SYNPR: variants seen among roughly 807,000 people sequenced by gnomAD.
SYNPR encodes the protein synaptoporin.
SYNPR carries 23 observed loss-of-function variants against 32.9 expected under a neutral mutation model. The observed-to-expected ratio is 0.70, with a 90% confidence interval of 0.50 to 0.99. The LOEUF (loss-of-function observed/expected upper bound fraction) is 0.99, where lower values mean the gene tolerates loss of function less well. Ranked by LOEUF, SYNPR falls within the 50% of genes least tolerant of loss-of-function variation. The pLI is 0.00. For missense variants in SYNPR, 318 were observed against 349.3 expected, an observed-to-expected ratio of 0.91 and a Z score of 0.71; for synonymous variants, 146 against 135.9, an observed-to-expected ratio of 1.07 and a Z score of -0.52.
intron 2 of SYNPR, among the ~76,000 whole-genome samples, chr3:63,252,851 G>C (rs1187572845): frequency 6.6e-6 from 1 of 151,968 alleles, no homozygotes; most frequent in Non-Finnish European, 1.5e-5. Context: ...GACCAGCCTG[G>C]CCAACATGGT....
rs193123086 is a variant in SYNPR at position 63,509,809 on chromosome 3, A to G, written c.209+28853A>G. ...AAACTTAGCATGGTATCTTGAAATC[A>G]TCTTTTCTAGAAAGTTTTTTGTTAA... is the stretch of plus-strand genomic sequence containing the variant. On this transcript the variant is annotated intron_variant, in intron 3 of 5. Transcript: ENST00000478300. Among the ~76,000 whole-genome samples, 630 of 152,278 alleles carry G rather than the reference A, an allele frequency of 4.1e-3. 4 individuals are homozygous for G. The highest frequency in any genetic ancestry group is 5.2e-3 in the Non-Finnish European group (353 of 68,020).
At chr3:63,431,231 T>C (rs1415317430) in intron 2 of SYNPR, among the ~76,000 whole-genome samples, 1 of 152,196 alleles carries the variant, frequency 6.6e-6, no homozygotes, top group Non-Finnish European at 1.5e-5. Context: ...TTTACCCTGA[T>C]AGGAAGGACA....
intron 4 of SYNPR, among the ~76,000 whole-genome samples, chr3:63,603,162 T>G (rs962547490): frequency 6.6e-6 from 1 of 152,178 alleles, no homozygotes; most frequent in Non-Finnish European, 1.5e-5. Flanking sequence ...TATTGGTGTA[T>G]GGAAATGCTA....
At chr3:63,337,232 C>CAAAAAA (rs67376099) in intron 2 of SYNPR, among the ~76,000 whole-genome samples, 7 of 55,464 alleles carry the variant, frequency 1.3e-4, no homozygotes, top group Non-Finnish European at 1.8e-4. Context: ...ACTCTGTCTC[C>CAAAAAA]AAAAAAAAAA....
At chr3:63,335,959 A>G (rs1415204850) in intron 2 of SYNPR, among the ~76,000 whole-genome samples, 2 of 151,924 alleles carry the variant, frequency 1.3e-5, no homozygotes, top group Admixed American at 1.3e-4. Context: ...TATTTGTAAT[A>G]GAGACGGGGT....
intron 4 of SYNPR, among the ~76,000 whole-genome samples, chr3:63,588,024 A>C (rs1703222051): frequency 6.6e-6 from 1 of 152,132 alleles, no homozygotes; most frequent in South Asian, 2.1e-4. Context: ...ACTTAGAAAA[A>C]TTTAAAAATT....
upstream of SYNPR, chr3:63,228,234 C>A (rs886438221): frequency 3.3e-5 from 5 of 151,970 alleles, no homozygotes; most frequent in Admixed American, 3.3e-4. Flanking sequence ...CTAGATAAAC[C>A]CATGCTGCTT....
At chr3:63,418,083 GC>G (rs1462449233) in intron 2 of SYNPR, among the ~76,000 whole-genome samples, 6 of 152,132 alleles carry the variant, frequency 3.9e-5, no homozygotes, top group Non-Finnish European at 8.8e-5. Context: ...TTTATGCTCT[GC>G]TTCCCTTATG....
intron 4 of SYNPR, among the ~76,000 whole-genome samples, chr3:63,581,353 C>T (rs1434889557): frequency 9.8e-6 from 1 of 101,528 alleles, no homozygotes; most frequent in Non-Finnish European, 2.2e-5. Context: ...AGCACTAAAG[C>T]AACACCAAAC....
the SYNPR span, among the ~76,000 whole-genome samples, chr3:63,219,283 T>C: frequency 0.79 from 119,745 of 152,120 alleles, 47,667 homozygotes; most frequent in Middle Eastern, 0.87. Flanking sequence ...GGAAAAGATT[T>C]TGGCACGTCC....
Position 63,498,760 on chromosome 3 carries a change from C to T in SYNPR, c.209+17804C>T, listed in dbSNP as rs563930109. ...GAGGAGCCAGTATCAGACATGGCCT[C>T]GTGGGCCCGATAAGGCGTGTGAATT... is the stretch of plus-strand genomic sequence containing the variant. On this transcript the variant is annotated intron_variant, in intron 3 of 5. Coordinates refer to ENST00000478300, the MANE Select transcript of SYNPR (RefSeq NM_001130003.2). 3.1e-4 allele frequency among the ~76,000 whole-genome samples: 47 copies of T among 151,916 alleles called. 1 individual carries two copies. The highest frequency in any genetic ancestry group is 2.6e-3 in the Admixed American group (39 of 15,252).
intron 2 of SYNPR, among the ~76,000 whole-genome samples, chr3:63,372,116 C>A (rs2087820374): frequency 6.6e-6 from 1 of 152,106 alleles, no homozygotes; most frequent in South Asian, 2.1e-4. Context: ...GAGTGACCAA[C>A]AGCCCCTCTG....
At chr3:63,231,324 T>G (rs1313576051) in intron 1 of SYNPR, among the ~76,000 whole-genome samples, 1 of 151,774 alleles carries the variant, frequency 6.6e-6, no homozygotes, top group Non-Finnish European at 1.5e-5. Flanking sequence ...TGGGGACTGG[T>G]GGGAGGAGGT....
chr3:63,305,091 C>T (rs1346300042), intron 2 of SYNPR, among the ~76,000 whole-genome samples: 3 of 152,004 alleles, frequency 2.0e-5, no homozygotes, highest in African/African-American at 7.2e-5. Context: ...TCCCCTCCCA[C>T]ATTGCACTGA....
chr3:63,340,577 G>C (rs1024370893), intron 2 of SYNPR, among the ~76,000 whole-genome samples: 2 of 151,040 alleles, frequency 1.3e-5, no homozygotes, highest in African/African-American at 4.9e-5. Flanking sequence ...CCGCCACTAC[G>C]CCCGGCTAAT....
chr3:63,443,256 G>T, intron 2 of SYNPR: 1 of 1,429,672 alleles, frequency 7.0e-7, no homozygotes. Flanking sequence ...CTGCAAATGA[G>T]GCTGAAGCTG....
intron 3 of SYNPR, among the ~76,000 whole-genome samples, chr3:63,540,772 C>T (rs1415599112): frequency 6.6e-6 from 1 of 151,708 alleles, no homozygotes; most frequent in Non-Finnish European, 1.5e-5. Context: ...ACATGATTTG[C>T]TAGAGGAGAG....
chr3:63,386,874 G>A (rs2088053159), intron 2 of SYNPR, among the ~76,000 whole-genome samples: 2 of 152,210 alleles, frequency 1.3e-5, no homozygotes, highest in South Asian at 4.1e-4. Flanking sequence ...GTGTGGCTCA[G>A]GTCAGAGGAA....
At chr3:63,588,134 G>A (rs964840759) in intron 4 of SYNPR, among the ~76,000 whole-genome samples, 3 of 152,038 alleles carry the variant, frequency 2.0e-5, no homozygotes, top group African/African-American at 7.2e-5. Flanking sequence ...AAAAAAATCA[G>A]TTTGTGTCTG....
Sources: allele counts gnomAD v4.1 joint callset (sites outside exome capture counted in the v4.1 genomes callset), GRCh38; gene constraint gnomAD v4.1.1; transcripts MANE v1.5; gene names NCBI Gene and HGNC (gene_info 2026-07-23, HGNC 2026-07-21).